AGBL1: variants seen among roughly 807,000 people sequenced by gnomAD.
AGBL1 encodes the protein AGBL carboxypeptidase 1, also known as cytosolic carboxypeptidase 4.
AGBL1 carries 130 observed loss-of-function variants against 118.9 expected under a neutral mutation model. The observed-to-expected ratio is 1.09, with a 90% CI of 0.95 to 1.26. The LOEUF (loss-of-function observed/expected upper bound fraction) is 1.26. Among genes scored for constraint, AGBL1 ranks in the 50% most tolerant of loss-of-function variants. AGBL1 has a pLI of 0.00. For missense variants in AGBL1, 1,584 were observed against 1,298.1 expected, an observed-to-expected ratio of 1.22 and a Z score of -3.38; for synonymous variants, 555 against 478.9, an observed-to-expected ratio of 1.16 and a Z score of -2.08.
chr15:86,877,850 CCTT>C (rs1331592614), intron 22 of AGBL1, among the ~76,000 whole-genome samples: 3 of 152,192 alleles, frequency 2.0e-5, no homozygotes, highest in Non-Finnish European at 4.4e-5. Context: ...TGTTTACCAA[CCTT>C]CTTCTCTCTT....
At chr15:86,761,424 A>G (rs1244546034) in intron 22 of AGBL1, among the ~76,000 whole-genome samples, 3 of 152,056 alleles carry the variant, frequency 2.0e-5, no homozygotes, top group Non-Finnish European at 4.4e-5. Context: ...AGGTCCTGAA[A>G]GTTACTTGAA....
At chr15:86,781,666 C>T (rs980488207) in intron 22 of AGBL1, among the ~76,000 whole-genome samples, 1 of 152,112 alleles carries the variant, frequency 6.6e-6, no homozygotes, top group Non-Finnish European at 1.5e-5. Context: ...ATATCTGAGT[C>T]GTTTCATTGT....
intron 22 of AGBL1, among the ~76,000 whole-genome samples, chr15:86,724,816 C>G (rs1274663358): frequency 2.0e-5 from 3 of 152,126 alleles, no homozygotes; most frequent in Admixed American, 6.5e-5. Context: ...TCCGTCTTCT[C>G]TCTCTTGCTT....
rs1234944821 is a variant in AGBL1, at chr15:86,613,847, A to G, written c.2994+59310A>G. Among the ~76,000 whole-genome samples the G allele has an allele frequency of 6.6e-6, 1 of 152,172 alleles. No homozygotes were observed. Among genetic ancestry groups the G allele is most frequent in the African/African-American group, 2.4e-5 (1 of 41,450 alleles). On this transcript the variant is annotated intron_variant, in intron 21 of 22. Transcript: ENST00000614907. This position sits in a 1 kb window ranked among gnomAD's most constrained non-coding sequence, Gnocchi z 4.2. ...GCATAGTAAGATTCTTGAGTGATCTATATGCATGTTAATGTTTGAGAAGTC... is the reference window on the plus strand; with the variant it reads ...GCATAGTAAGATTCTTGAGTGATCTGTATGCATGTTAATGTTTGAGAAGTC...
chr15:86,086,843 T>C (rs762038917), intron 1 of AGBL1, among the ~76,000 whole-genome samples: 1 of 152,194 alleles, frequency 6.6e-6, no homozygotes, highest in Non-Finnish European at 1.5e-5. Context: ...ATTGTGTGAA[T>C]ATCTTTATCC....
At chr15:86,357,436 TC>T (rs1168743883) in intron 17 of AGBL1, among the ~76,000 whole-genome samples, 2 of 152,164 alleles carry the variant, frequency 1.3e-5, no homozygotes, top group Non-Finnish European at 2.9e-5. Context: ...ATATTAAAAT[TC>T]ACTGTTTCTA....
chr15:86,781,320 T>G (rs1399432050), intron 22 of AGBL1, among the ~76,000 whole-genome samples: 1 of 152,220 alleles, frequency 6.6e-6, no homozygotes, highest in Non-Finnish European at 1.5e-5. Context: ...CAATTTTATT[T>G]ATTCTCACGT....
chr15:86,818,363 G>T (rs1005392934), intron 22 of AGBL1, among the ~76,000 whole-genome samples: 1 of 152,118 alleles, frequency 6.6e-6, no homozygotes, highest in Admixed American at 6.6e-5. Context: ...TCAGATAAGC[G>T]GCAGCATTAG....
intron 6 of AGBL1, among the ~76,000 whole-genome samples, chr15:86,243,164 G>A (rs1463153560): frequency 6.6e-6 from 1 of 152,070 alleles, no homozygotes; most frequent in Non-Finnish European, 1.5e-5. Flanking sequence ...CCTCCTGATT[G>A]TCAAAGTTTG....
intron 22 of AGBL1, among the ~76,000 whole-genome samples, chr15:86,759,756 AGAT>A (rs1596456852): frequency 6.6e-6 from 1 of 152,176 alleles, no homozygotes; most frequent in African/African-American, 2.4e-5. Flanking sequence ...AAAGAAAACA[AGAT>A]GATGACTCTA....
intron 19 of AGBL1, among the ~76,000 whole-genome samples, chr15:86,532,696 C>T (rs964840747): frequency 4.0e-5 from 6 of 151,686 alleles, no homozygotes; most frequent in African/African-American, 1.5e-4. Context: ...CATCAGACTA[C>T]CTGACTTCAA....
intron 1 of AGBL1, among the ~76,000 whole-genome samples, chr15:86,097,971 T>G (rs1896485675): frequency 6.6e-6 from 1 of 152,134 alleles, no homozygotes; most frequent in South Asian, 2.1e-4. Flanking sequence ...GCATCCTCAC[T>G]AGCATCTGAT....
chr15:86,869,204 CAG>C (rs1869936494), intron 22 of AGBL1, among the ~76,000 whole-genome samples: 2 of 152,262 alleles, frequency 1.3e-5, no homozygotes, highest in African/African-American at 4.8e-5. Flanking sequence ...AGAGGTGTGT[CAG>C]GGGAAAAGCT....
chr15:86,408,718 T>C (rs2081569731), intron 18 of AGBL1, among the ~76,000 whole-genome samples: 1 of 152,222 alleles, frequency 6.6e-6, no homozygotes. Flanking sequence ...GTTCTGGTTC[T>C]ACCCTGTTTA....
intron 22 of AGBL1, among the ~76,000 whole-genome samples, chr15:86,727,831 G>A (rs2086843390): frequency 6.6e-6 from 1 of 152,144 alleles, no homozygotes; most frequent in Non-Finnish European, 1.5e-5. Flanking sequence ...ATAAATGAAA[G>A]GACTGAGGTC....
chr15:86,138,919 T>A (rs2076924399), intron 1 of AGBL1, among the ~76,000 whole-genome samples: 1 of 152,220 alleles, frequency 6.6e-6, no homozygotes, highest in African/African-American at 2.4e-5. Flanking sequence ...CTGTGAGCCA[T>A]CTTTGGGTCC....
chr15:86,799,868 A>G (rs1163024341), intron 22 of AGBL1, among the ~76,000 whole-genome samples: 2 of 152,142 alleles, frequency 1.3e-5, no homozygotes, highest in East Asian at 3.9e-4. Flanking sequence ...TTCAAAGATT[A>G]ATTACCATGT....
In AGBL1 at chr15:86,397,386, A is replaced by T. The variant is rs2081380610; in HGVS notation, c.2395A>T (p.Ile799Phe). 1 of 1,605,196 alleles carries T rather than the reference A, an allele frequency of 6.2e-7. No individual in the cohort carries two copies. Among genetic ancestry groups the T allele is most frequent in the Non-Finnish European group, 8.5e-7 (1 of 1,174,846 alleles). The change falls in exon 18 of 23, where the codon ATC becomes TTC. Residue 799 changes from isoleucine to phenylalanine, a missense_variant. Transcript: ENST00000614907. ...TGCAGGACATCGTCCATATCAGGTG[A>T]TCACTGCTCGAGTTCATCCAGGAGA... ...EQFRHRPYQV[I>F]TARVHPGESN...
intron 18 of AGBL1, among the ~76,000 whole-genome samples, chr15:86,446,541 G>A (rs1567265151): frequency 6.6e-6 from 1 of 152,144 alleles, no homozygotes; most frequent in East Asian, 1.9e-4. Flanking sequence ...TTATGCAAAT[G>A]CCTGCAAAGT....
Sources: allele counts gnomAD v4.1 joint callset (sites outside exome capture counted in the v4.1 genomes callset), GRCh38; gene constraint gnomAD v4.1.1; non-coding constraint Gnocchi (gnomAD v3.1); transcripts MANE v1.5; gene names NCBI Gene and HGNC (gene_info 2026-07-23, HGNC 2026-07-21).